SPRR2B: variants seen among roughly 807,000 people sequenced by gnomAD.
SPRR2B encodes small proline rich protein 2B.
A neutral mutation model predicts 1.0 loss-of-function variants in SPRR2B; 1 was observed. That is an observed-to-expected ratio of 1.01 (90% confidence interval 0.36 to 4.77). The LOEUF (loss-of-function observed/expected upper bound fraction) is 4.77, where lower values mean the gene tolerates loss of function less well. SPRR2B is among the 30% of genes most tolerant of loss of function. The pLI is 0.16. For missense variants in SPRR2B, 53 were observed against 88.7 expected (o/e 0.60, Z 1.62); for synonymous variants, 27 against 33.4 (o/e 0.81, Z 0.66).
At chr1:153,085,480 T>C in the SPRR2B span, among the ~76,000 whole-genome samples, 24 of 152,210 alleles carry the variant, frequency 1.6e-4, no homozygotes, top group African/African-American at 5.3e-4. Context: ...CAAGAAAAGA[T>C]AGAAATGAAT....
At chr1:153,086,467 C>A in the SPRR2B span, among the ~76,000 whole-genome samples, 1 of 152,294 alleles carries the variant, frequency 6.6e-6, no homozygotes, top group South Asian at 2.1e-4. Flanking sequence ...TTCAAAGCAA[C>A]AAGACAACCT....
the SPRR2B span, among the ~76,000 whole-genome samples, chr1:153,076,842 AC>A: frequency 1.4e-3 from 219 of 152,352 alleles, 1 homozygote; most frequent in African/African-American, 5.0e-3. Context: ...GGTACATCAC[AC>A]CCATGCAATG....
In SPRR2B at chr1:153,070,932, C is replaced by T. The variant is rs577007129; in HGVS notation, c.-19-74G>A. 105 of 1,224,742 alleles carry T rather than the reference C, an allele frequency of 8.6e-5. 6 individuals are homozygous for T. The East Asian group carries it at 2.3e-3, about 27-fold the overall frequency. The allele number at this position is 1,224,742 out of a possible 1,614,324, so 75.9% of individuals were successfully genotyped here. On this transcript the variant is annotated intron_variant, in intron 1 of 1. Coordinates refer to ENST00000368755, the MANE Select transcript of SPRR2B (RefSeq NM_001388198.1). ...AGAGAAGCCAAAGCTTATGTAATAC[C>T]ATGGCATATTATTTCTCCAATCTCC... is the stretch of plus-strand genomic sequence containing the variant.
chr1:153,072,745 T>C (rs968403105), upstream of SPRR2B, among the ~76,000 whole-genome samples: 1 of 152,172 alleles, frequency 6.6e-6, no homozygotes, highest in African/African-American at 2.4e-5. Context: ...GATTATCAAT[T>C]CACATCCCAA....
intron 1 of SPRR2B, among the ~76,000 whole-genome samples, 137 bp downstream of exon 1, chr1:153,071,432 T>C (rs956785265): frequency 1.3e-5 from 2 of 152,204 alleles, no homozygotes; most frequent in Admixed American, 1.3e-4. Flanking sequence ...CTCTATCACA[T>C]AGTCTAATCC....
chr1:153,074,450 C>T (rs890920885), upstream of SPRR2B, among the ~76,000 whole-genome samples: 2 of 152,182 alleles, frequency 1.3e-5, no homozygotes, highest in Non-Finnish European at 2.9e-5. Context: ...CTGTCTTCTG[C>T]TTTTATTTCT....
chr1:153,077,180 G>A, the SPRR2B span, among the ~76,000 whole-genome samples: 1 of 152,182 alleles, frequency 6.6e-6, no homozygotes, highest in Non-Finnish European at 1.5e-5. Context: ...TTGGAGATCA[G>A]GAGGTAGTGG....
chr1:153,084,136 C>T, the SPRR2B span, among the ~76,000 whole-genome samples: 750 of 152,290 alleles, frequency 4.9e-3, 5 homozygotes, highest in Middle Eastern at 0.041. Flanking sequence ...TCCAGCGAGG[C>T]AGCTGCCCGT....
In SPRR2B at chr1:153,070,660, G is replaced by A. The variant is rs1396839658; in HGVS notation, c.180C>T (p.Ser60=). Residue 60 remains serine (S), a synonymous_variant, in exon 2 of 2, where the codon TCC becomes TCT. Transcript: ENST00000368755. ...CQQKYPPVTP[S]PPCQPKYPPK... is the part of the protein sequence containing the mutation. The stretch of plus-strand genomic sequence containing the variant: ...GTGGATACTTTGGCTGGCAGGGTGG[G>A]GAAGGTGTCACAGGAGGATATTTCT... 1.9e-6 allele frequency: 3 copies of A among 1,612,210 alleles called. No homozygotes were observed. The Admixed American group carries it at 5.0e-5, about 27-fold the overall frequency.
the SPRR2B span, among the ~76,000 whole-genome samples, chr1:153,081,774 CA>C: frequency 6.6e-6 from 1 of 150,816 alleles, no homozygotes; most frequent in Non-Finnish European, 1.5e-5. Context: ...GTGAATTCAA[CA>C]TAAAAACAGG....
chr1:153,078,342 T>C, the SPRR2B span, among the ~76,000 whole-genome samples: 22 of 151,180 alleles, frequency 1.5e-4, no homozygotes, highest in African/African-American at 4.8e-4. Context: ...CATGTATATA[T>C]ATTTCTTTTA....
chr1:153,081,405 G>T, the SPRR2B span, among the ~76,000 whole-genome samples: 1 of 152,184 alleles, frequency 6.6e-6, no homozygotes, highest in Non-Finnish European at 1.5e-5. Context: ...CATACTTAAA[G>T]CCCTAAAATA....
chr1:153,083,949 T>C, the SPRR2B span, among the ~76,000 whole-genome samples: 7 of 152,328 alleles, frequency 4.6e-5, no homozygotes, highest in East Asian at 1.4e-3. Flanking sequence ...TGGACCTGAA[T>C]TCTGCAGGGC....
upstream of SPRR2B, among the ~76,000 whole-genome samples, chr1:153,072,206 C>T (rs1654680658): frequency 1.3e-5 from 2 of 152,280 alleles, no homozygotes; most frequent in South Asian, 4.1e-4. Context: ...TCACAGAACC[C>T]CAGATTTTAC....
upstream of SPRR2B, among the ~76,000 whole-genome samples, chr1:153,072,368 A>G (rs2101611540): frequency 6.6e-6 from 1 of 152,332 alleles, no homozygotes; most frequent in South Asian, 2.1e-4. Flanking sequence ...ATTTATAGAA[A>G]TGTACTTAGT....
At chr1:153,080,910 C>A in the SPRR2B span, among the ~76,000 whole-genome samples, 19 of 152,210 alleles carry the variant, frequency 1.2e-4, no homozygotes, top group East Asian at 3.3e-3. Flanking sequence ...ATAATTGAAT[C>A]GATAAACTGT....
the SPRR2B span, among the ~76,000 whole-genome samples, chr1:153,082,856 A>G: frequency 2.0e-5 from 3 of 152,318 alleles, no homozygotes; most frequent in African/African-American, 4.8e-5. Context: ...TGAGCCTAGC[A>G]TAGAGATACT....
At chr1:153,071,321 G>A (rs897543159) in intron 1 of SPRR2B, among the ~76,000 whole-genome samples, 1 of 152,024 alleles carries the variant, frequency 6.6e-6, no homozygotes, top group Non-Finnish European at 1.5e-5. Flanking sequence ...ATGGAAAAGA[G>A]AAAAATACTT....
the SPRR2B span, among the ~76,000 whole-genome samples, chr1:153,084,317 G>T: frequency 1.3e-5 from 2 of 152,114 alleles, no homozygotes; most frequent in Non-Finnish European, 2.9e-5. Context: ...TGCAGTGAGA[G>T]TACAGTCAGC....
Sources: allele counts gnomAD v4.1 joint callset (sites outside exome capture counted in the v4.1 genomes callset), GRCh38; gene constraint gnomAD v4.1.1; transcripts MANE v1.5; gene names NCBI Gene and HGNC (gene_info 2026-07-23, HGNC 2026-07-21).